Variants in DPPA3 observed in about 807,000 individuals in gnomAD.
The protein encoded by DPPA3 is developmental pluripotency-associated protein 3.
DPPA3 carries 9 observed loss-of-function variants against 15.6 expected under a neutral mutation model. The ratio of observed to expected loss-of-function variants is 0.58; its 90% CI spans 0.35 to 1.01. The LOEUF (loss-of-function observed/expected upper bound fraction) is 1.01. DPPA3 is among the 50% of genes least tolerant of loss of function. The pLI is 0.02. For synonymous variants in DPPA3, 61 were observed against 70.9 expected, an observed-to-expected ratio of 0.86 and a Z score of 0.70; for missense variants, 148 against 194.6, an observed-to-expected ratio of 0.76 and a Z score of 1.42.
At chr12:7,712,731 C>A (rs1864358312) in intron 1 of DPPA3, among the ~76,000 whole-genome samples, 1 of 151,440 alleles carries the variant, frequency 6.6e-6, no homozygotes, top group Admixed American at 6.6e-5. Context: ...CAGGCGTAAG[C>A]CAGCGCGCCC....
In DPPA3 at chr12:7,715,251, G is replaced by C. The variant is rs2024320; in HGVS notation, c.151G>C (p.Glu51Gln). ...LSNLTINASS[E>Q]SVSPLSEALL... is the part of the protein sequence containing the mutation. ...TAACTTGACTATCAACGCTAGTAGCGAATCTGTTTCCCCTCTATCGGAAGC... is the reference window on the plus strand; with the variant it reads ...TAACTTGACTATCAACGCTAGTAGCCAATCTGTTTCCCCTCTATCGGAAGC... The change falls in exon 2 of 4, where the codon GAA (glutamate) becomes CAA (glutamine). Residue 51 changes from glutamate to glutamine, a missense_variant. By Grantham distance (29) the Glu-to-Gln change is conservative. Transcript: ENST00000345088. 487,635 of 1,613,458 alleles carry C rather than the reference G, an allele frequency of 0.3. 76,556 individuals carry two copies. Among genetic ancestry groups the C allele is most frequent in the Non-Finnish European group, 0.32 (381,046 of 1,179,678 alleles).
chr12:7,712,892 A>G (rs2136891214), intron 1 of DPPA3, among the ~76,000 whole-genome samples: 1 of 152,092 alleles, frequency 6.6e-6, no homozygotes, highest in Non-Finnish European at 1.5e-5. Context: ...AACATTTTTG[A>G]GACAGGCTTT....
At chr12:7,711,801 C>A in intron 1 of DPPA3, 149 bp downstream of exon 1, 1 of 648,226 alleles carries the variant, frequency 1.5e-6, no homozygotes, top group Non-Finnish European at 2.4e-6. Context: ...AACCTCAAAC[C>A]AGAGGGAGTC....
chr12:7,716,798 T>G (rs1016009802), intron 3 of DPPA3, among the ~76,000 whole-genome samples, 169 bp from the exon 4 acceptor site: 1 of 152,166 alleles, frequency 6.6e-6, no homozygotes, highest in African/African-American at 2.4e-5. Context: ...GGTACCCATA[T>G]TTTGATCTTT....
intron 1 of DPPA3, 110 bp from the exon 2 acceptor site, chr12:7,715,073 C>G (rs1446967539): frequency 1.3e-6 from 2 of 1,518,808 alleles, no homozygotes; most frequent in Admixed American, 3.6e-5. Context: ...ACCTTCCACC[C>G]TGAGGAATTT....
At chr12:7,711,683 T>A (rs1319344537) in intron 1 of DPPA3, 31 bp downstream of exon 1, 1 of 1,558,652 alleles carries the variant, frequency 6.4e-7, no homozygotes, top group South Asian at 1.1e-5. Context: ...CTTGACTATC[T>A]GACTATAGGG....
At chr12:7,715,798 C>CA (rs1864392837) in intron 2 of DPPA3, among the ~76,000 whole-genome samples, 4 of 151,258 alleles carry the variant, frequency 2.6e-5, no homozygotes, top group Admixed American at 1.3e-4. Flanking sequence ...ACAAGCGTCT[C>CA]AAAAAAAGAC....
intron 2 of DPPA3, 89 bp from the exon 3 acceptor site, chr12:7,716,109 T>C (rs1208769966): frequency 8.5e-7 from 1 of 1,182,116 alleles, no homozygotes; most frequent in African/African-American, 1.6e-5. Context: ...TCTCAACAAA[T>C]TCCCTAGCTT....
At chr12:7,713,641 A>G (rs956399376) in intron 1 of DPPA3, among the ~76,000 whole-genome samples, 5 of 152,210 alleles carry the variant, frequency 3.3e-5, no homozygotes, top group Non-Finnish European at 7.3e-5. Flanking sequence ...GTTTGAGTGA[A>G]GAGATCTAAT....
intron 1 of DPPA3, among the ~76,000 whole-genome samples, chr12:7,714,742 T>C (rs982228641): frequency 6.6e-6 from 1 of 151,980 alleles, no homozygotes; most frequent in African/African-American, 2.4e-5. Context: ...AGACGGAGTC[T>C]TGCTCTGTCC....
chr12:7,712,406 T>C (rs1475553876), intron 1 of DPPA3, among the ~76,000 whole-genome samples: 3 of 152,076 alleles, frequency 2.0e-5, no homozygotes, highest in African/African-American at 7.2e-5. Context: ...AAACTTTAAC[T>C]TCAGTTGAAC....
At chr12:7,716,095 C>T (rs1864396238) in intron 2 of DPPA3, 103 bp from the exon 3 acceptor site, 2 of 1,021,090 alleles carry the variant, frequency 2.0e-6, no homozygotes, top group Non-Finnish European at 2.9e-6. Context: ...AGAGAAAGAC[C>T]CTGTCTCAAC....
At chr12:7,712,733 A>G (rs1864358327) in intron 1 of DPPA3, among the ~76,000 whole-genome samples, 1 of 151,052 alleles carries the variant, frequency 6.6e-6, no homozygotes, top group Admixed American at 6.6e-5. Context: ...GGCGTAAGCC[A>G]GCGCGCCCGT....
chr12:7,717,340 A>G lies in DPPA3; in HGVS notation c.*263A>G, dbSNP rs1864412407. 3.3e-6 allele frequency: 1 copy of G among 303,132 alleles called. No homozygotes were observed. The highest frequency in any genetic ancestry group is 4.8e-5 in the Admixed American group (1 of 20,902). 18.8% of individuals were successfully genotyped at this position (303,132 alleles called of 1,614,324 possible). The stretch of plus-strand genomic sequence containing the variant: ...ATATAAGTATTCCCATGTGTCTTAG[A>G]AGCCCAAAGTCAGTGAGATGAAACC... On this transcript the variant is annotated 3_prime_UTR_variant, in exon 4 of 4. Coordinates refer to ENST00000345088, the MANE Select transcript of DPPA3 (RefSeq NM_199286.4).
chr12:7,711,691 G>T, intron 1 of DPPA3, 39 bp downstream of exon 1: 2 of 1,282,896 alleles, frequency 1.6e-6, no homozygotes, highest in South Asian at 1.3e-5. Context: ...TCTGACTATA[G>T]GGGGGTTGGG....
intron 2 of DPPA3, 90 bp downstream of exon 2, chr12:7,715,517 C>A: frequency 6.3e-7 from 1 of 1,586,672 alleles, no homozygotes; most frequent in Non-Finnish European, 8.6e-7. Context: ...AGCTCTAGGC[C>A]CGGTGCGGTG....
intron 1 of DPPA3, among the ~76,000 whole-genome samples, chr12:7,713,954 A>T (rs1311115417): frequency 3.3e-5 from 5 of 152,196 alleles, no homozygotes; most frequent in Admixed American, 3.3e-4. Flanking sequence ...TAGAGGCTGC[A>T]ATGAGCCATG....
At chr12:7,712,535 CCT>C (rs1444956461) in intron 1 of DPPA3, among the ~76,000 whole-genome samples, 1 of 152,062 alleles carries the variant, frequency 6.6e-6, no homozygotes, top group East Asian at 1.9e-4. Flanking sequence ...GCAACCTCCG[CCT>C]CTCGGGTTCA....
Position 7,711,547 on chromosome 12 carries a change from G to A in DPPA3, c.-24G>A. On this transcript the variant is annotated 5_prime_UTR_variant, in exon 1 of 4. Coordinates refer to ENST00000345088, the MANE Select transcript of DPPA3 (RefSeq NM_199286.4). ...GCTACGTTTCAAAGATCCTGGAGAA[G>A]CCTAGTGTTGTGTCAAGACGCCGAT... The A allele has an allele frequency of 6.2e-7, 1 of 1,609,106 alleles. No individual in the cohort carries two copies. The highest frequency in any genetic ancestry group is 1.1e-5 in the South Asian group (1 of 90,498).
Sources: gnomAD v4.1 joint callset for allele counts (sites outside exome capture counted in the v4.1 genomes callset) on GRCh38, gnomAD v4.1.1 for gene constraint, MANE v1.5 for transcripts, NCBI Gene and HGNC (gene_info 2026-07-23, HGNC 2026-07-21) for gene names.